Variants in RNF157 observed in about 807,000 individuals in gnomAD.
RNF157 encodes the protein ring finger protein 157, also known as E3 ubiquitin ligase RNF157.
RNF157 carries 55 observed loss-of-function variants against 88.3 expected under a neutral mutation model. That is an observed-to-expected ratio of 0.62 (90% CI 0.50 to 0.78). RNF157 has a LOEUF of 0.78. Ranked by LOEUF, RNF157 falls within the 30% of genes least tolerant of loss-of-function variation. The probability of loss-of-function intolerance (pLI) is 0.00; values close to 1 mark genes in which losing one functional copy is unlikely to be tolerated. For synonymous variants in RNF157, 334 were observed against 341.2 expected (o/e 0.98, Z 0.23); for missense variants, 788 against 860.8 (o/e 0.92, Z 1.06).
intron 2 of RNF157, among the ~76,000 whole-genome samples, chr17:76,180,686 A>G (rs1712315307): frequency 6.6e-6 from 1 of 152,130 alleles, no homozygotes; most frequent in Admixed American, 6.5e-5. Context: ...CAGCTTCCCA[A>G]AGTGCGGGGA....
At chr17:76,220,979 C>T (rs905670104) in intron 1 of RNF157, among the ~76,000 whole-genome samples, 6 of 151,388 alleles carry the variant, frequency 4.0e-5, no homozygotes, top group South Asian at 2.1e-4. Flanking sequence ...AAAAATTAGC[C>T]GGCTTGGTGG....
chr17:76,155,810 C>T, intron 14 of RNF157, 76 bp from the exon 15 acceptor site: 1 of 1,277,646 alleles, frequency 7.8e-7, no homozygotes, highest in Non-Finnish European at 1.1e-6. Context: ...GAGCAGAGCC[C>T]TCTCCCTGCA....
At chr17:76,155,154 C>A in intron 16 of RNF157, 98 bp downstream of exon 16, 1 of 1,044,192 alleles carries the variant, frequency 9.6e-7, no homozygotes, top group Non-Finnish European at 1.5e-6. Context: ...GCTTCGTCAG[C>A]GCAGCCTCCT....
At chr17:76,200,937 T>G (rs1019596343) in intron 2 of RNF157, among the ~76,000 whole-genome samples, 2 of 152,036 alleles carry the variant, frequency 1.3e-5, no homozygotes, top group African/African-American at 4.8e-5. Context: ...TTTTCTGTCT[T>G]TCTCCGCAAG....
chr17:76,177,521 A>C (rs1217328587), intron 2 of RNF157, among the ~76,000 whole-genome samples: 1 of 151,584 alleles, frequency 6.6e-6, no homozygotes, highest in East Asian at 2.0e-4. Flanking sequence ...GCATGAGGGA[A>C]GGGGAAGGGG....
intron 2 of RNF157, among the ~76,000 whole-genome samples, chr17:76,197,218 T>C (rs1045019789): frequency 2.0e-5 from 3 of 152,156 alleles, no homozygotes; most frequent in African/African-American, 7.2e-5. Flanking sequence ...GACACGGGGC[T>C]GTATAATATC....
Position 76,159,536 on chromosome 17 carries a change from G to T in RNF157, c.1103C>A (p.Ser368Tyr), listed in dbSNP as rs750245340. Residue 368 changes from serine to tyrosine, a missense_variant, in exon 12 of 19, where the codon TCT becomes TAT. Physicochemically the swap from Ser to Tyr is moderately radical, Grantham distance 144. Transcript: ENST00000269391. ...GGGCCCGTTGAGGGCCTCCAGAAGA[G>T]ATACTACTTCATAGCCTGGTGGAAT... ...ENIPPGYEVV[S>Y]LLEALNGPLT... 1.2e-6 allele frequency: 2 copies of T among 1,600,212 alleles called. No homozygotes were observed. The highest frequency in any genetic ancestry group is 1.7e-6 in the Non-Finnish European group (2 of 1,176,522).
intron 2 of RNF157, among the ~76,000 whole-genome samples, chr17:76,204,934 G>T (rs1159379240): frequency 5.3e-5 from 8 of 151,432 alleles, no homozygotes; most frequent in Non-Finnish European, 1.0e-4. Flanking sequence ...ACAAGCACCT[G>T]CCACCACGCC....
rs1477974533 is a variant in RNF157 at position 76,144,099 on chromosome 17, C to G, written c.*1136G>C. 1 of 152,146 alleles carries G rather than the reference C, an allele frequency of 6.6e-6. No homozygotes were observed. Among genetic ancestry groups the G allele is most frequent in the African/African-American group, 2.4e-5 (1 of 41,420 alleles). The allele number at this position is 152,146 out of a possible 1,614,324, so 9.4% of individuals were successfully genotyped here. On this transcript the variant is annotated 3_prime_UTR_variant, in exon 19 of 19. Coordinates refer to ENST00000269391, the MANE Select transcript of RNF157 (RefSeq NM_052916.3). Reference sequence around the variant, plus strand: ...TAACAAAAGGGGGTAGAGATGGGGGCAACAGGGACAAGAATGCCACCTCCC... The same window carrying G: ...TAACAAAAGGGGGTAGAGATGGGGGGAACAGGGACAAGAATGCCACCTCCC...
At chr17:76,185,047 C>T (rs1255209428) in intron 2 of RNF157, among the ~76,000 whole-genome samples, 1 of 152,196 alleles carries the variant, frequency 6.6e-6, no homozygotes, top group Non-Finnish European at 1.5e-5. Flanking sequence ...CATAAAATGG[C>T]ATAGATCTTG....
At chr17:76,189,992 G>A (rs902684949) in intron 2 of RNF157, among the ~76,000 whole-genome samples, 13 of 152,158 alleles carry the variant, frequency 8.5e-5, no homozygotes, top group Non-Finnish European at 1.6e-4. Context: ...ACATGGCCAA[G>A]TGTAGCAAGC....
intron 1 of RNF157, among the ~76,000 whole-genome samples, chr17:76,220,088 G>A (rs886497460): frequency 6.6e-6 from 1 of 152,064 alleles, no homozygotes; most frequent in South Asian, 2.1e-4. Context: ...AACAAAGTAG[G>A]AGGGGGTGCC....
At chr17:76,201,521 TAAAG>T (rs1405422143) in intron 2 of RNF157, among the ~76,000 whole-genome samples, 1 of 151,224 alleles carries the variant, frequency 6.6e-6, no homozygotes, top group African/African-American at 2.4e-5. Flanking sequence ...AAAAAAAAAA[TAAAG>T]AAAATTTTAG....
intron 7 of RNF157, 22 bp from the exon 8 acceptor site, chr17:76,164,817 T>A (rs749054915): frequency 1.3e-6 from 2 of 1,598,232 alleles, no homozygotes; most frequent in Admixed American, 3.3e-5. Context: ...ATATGAAAGT[T>A]ATGACAAGGA....
At position 76,176,379 on chromosome 17, in the gene RNF157, CAG is replaced by C. The variant is rs1376365891; in HGVS notation, c.208-2591_208-2590del. Among the ~76,000 whole-genome samples, 1 of 152,036 alleles carries C rather than the reference CAG, an allele frequency of 6.6e-6. No individual in the cohort carries two copies. The highest frequency in any genetic ancestry group is 6.6e-5 in the Admixed American group (1 of 15,258). On this transcript the variant is annotated intron_variant, in intron 2 of 18. Coordinates refer to ENST00000269391, the MANE Select transcript of RNF157 (RefSeq NM_052916.3). This position sits in a 1 kb window ranked among gnomAD's most constrained non-coding sequence, Gnocchi z 4.2. The stretch of plus-strand genomic sequence containing the variant: ...ATGAAATTTGCAAATTCAGAGATAA[CAG>C]AGAAGATGGAGGGGACAGTAGGATC...
intron 2 of RNF157, among the ~76,000 whole-genome samples, chr17:76,205,929 C>T (rs2069674643): frequency 6.6e-6 from 1 of 152,018 alleles, no homozygotes; most frequent in Non-Finnish European, 1.5e-5. Context: ...TGAACTCCTG[C>T]CTACAAAAGG....
At chr17:76,164,685 A>C in intron 8 of RNF157, 63 bp downstream of exon 8, 1 of 969,504 alleles carries the variant, frequency 1.0e-6, no homozygotes, top group African/African-American at 1.7e-5. Context: ...GAGAAGAAGA[A>C]AGGAAAGAAT....
Position 76,240,111 on chromosome 17 carries a change from C to T in RNF157, c.88+42G>A. 1 of 1,200,348 alleles carries T rather than the reference C, an allele frequency of 8.3e-7. No homozygotes were observed. The highest frequency in any genetic ancestry group is 1.1e-6 in the Non-Finnish European group (1 of 943,132). The allele number at this position is 1,200,348 out of a possible 1,614,324, so 74.4% of individuals were successfully genotyped here. A position where few individuals can be genotyped will look rare whatever the true frequency, so the allele number is the denominator to read the frequency against. ...GTCCCGACCCAGACCCCTGCCCCTG[C>T]CCCTCTCCCTCCTCGCGGCTGCGGC... On this transcript the variant is annotated intron_variant, in intron 1 of 18. Transcript: ENST00000269391. This position sits in a 1 kb window ranked among gnomAD's most constrained non-coding sequence, Gnocchi z 4.4.
At chr17:76,166,416 A>T in intron 6 of RNF157, 45 bp downstream of exon 6, 1 of 1,527,348 alleles carries the variant, frequency 6.5e-7, no homozygotes, top group East Asian at 2.2e-5. Context: ...AATATGCCAC[A>T]AAAGAGCAGT....
Sources: gnomAD v4.1 joint callset for allele counts (sites outside exome capture counted in the v4.1 genomes callset) on GRCh38, gnomAD v4.1.1 for gene constraint, Gnocchi (gnomAD v3.1) non-coding constraint, MANE v1.5 for transcripts, NCBI Gene and HGNC (gene_info 2026-07-23, HGNC 2026-07-21) for gene names.